Variants in ADGRL2 observed in about 807,000 individuals in gnomAD.
The protein encoded by ADGRL2 is adhesion G protein-coupled receptor L2.
ADGRL2 carries 44 observed loss-of-function variants against 157.4 expected under a neutral mutation model. That is an observed-to-expected ratio of 0.28 (90% CI 0.22 to 0.36). The LOEUF (loss-of-function observed/expected upper bound fraction) is 0.36, where lower values mean the gene tolerates loss of function less well. ADGRL2 is among the 10% of genes least tolerant of loss of function. The pLI is 1.00. For synonymous variants in ADGRL2, 585 were observed against 624.7 expected, an observed-to-expected ratio of 0.94 and a Z score of 0.95; for missense variants, 1,510 against 1,768.9, an observed-to-expected ratio of 0.85 and a Z score of 2.63.
intron 1 of ADGRL2, among the ~76,000 whole-genome samples, chr1:81,350,935 C>T (rs562151467): frequency 1.8e-4 from 27 of 152,156 alleles, no homozygotes; most frequent in African/African-American, 6.3e-4. Context: ...TCTAAATAGG[C>T]AGTGCTCATA....
rs78352225 is a variant in ADGRL2 at position 81,494,827 on chromosome 1, A to T, written c.-248+49738A>T. 1.5e-4 allele frequency among the ~76,000 whole-genome samples: 23 copies of T among 152,274 alleles called. No homozygotes were observed. In the East Asian group the frequency reaches 3.5e-3, roughly 23 times the overall value. ...TCTGTGCTAAAGGCCATTAATAAAG[A>T]AGTATTCAGAGCTGACACATCCCAA... On this transcript the variant is annotated intron_variant, in intron 2 of 24. Transcript: ENST00000370721.
At chr1:81,747,192 TATGC>T (rs1315810809) in intron 1 of ADGRL2, among the ~76,000 whole-genome samples, 5 of 144,348 alleles carry the variant, frequency 3.5e-5, no homozygotes, top group African/African-American at 7.6e-5. Flanking sequence ...TGTATGTGTG[TATGC>T]ATGTATATAT....
At chr1:81,411,946 G>A (rs917836549) in intron 1 of ADGRL2, among the ~76,000 whole-genome samples, 2 of 151,382 alleles carry the variant, frequency 1.3e-5, no homozygotes, top group African/African-American at 4.9e-5. Context: ...AATGTAGTAA[G>A]TCTCAGATTC....
intron 2 of ADGRL2, among the ~76,000 whole-genome samples, chr1:81,532,504 C>G (rs970731035): frequency 6.6e-6 from 1 of 150,988 alleles, no homozygotes. Flanking sequence ...GCAGAGATTA[C>G]TGTTTCACCA....
chr1:81,598,584 T>C (rs1222419950), intron 3 of ADGRL2, among the ~76,000 whole-genome samples: 1 of 152,174 alleles, frequency 6.6e-6, no homozygotes, highest in Non-Finnish European at 1.5e-5. Context: ...TTTGGTGGTA[T>C]TTTGCTAAGG....
chr1:81,316,247 G>A (rs1351972435), intron 1 of ADGRL2, among the ~76,000 whole-genome samples: 1 of 152,116 alleles, frequency 6.6e-6, no homozygotes, highest in Admixed American at 6.6e-5. Flanking sequence ...AGGTTAAATG[G>A]TTTAAGCAGA....
At chr1:81,399,524 C>A (rs1182595410) in intron 1 of ADGRL2, among the ~76,000 whole-genome samples, 1 of 151,944 alleles carries the variant, frequency 6.6e-6, no homozygotes, top group Non-Finnish European at 1.5e-5. Context: ...AATGACCCAT[C>A]TTCAAGTTCA....
chr1:81,917,251 G>C (rs2094877802), intron 3 of ADGRL2, among the ~76,000 whole-genome samples: 1 of 152,016 alleles, frequency 6.6e-6, no homozygotes, highest in African/African-American at 2.4e-5. Flanking sequence ...AGCAGCAACA[G>C]CAACAACAAA....
chr1:81,519,527 C>T (rs1375932297), intron 2 of ADGRL2, among the ~76,000 whole-genome samples: 1 of 152,008 alleles, frequency 6.6e-6, no homozygotes, highest in Non-Finnish European at 1.5e-5. Context: ...AAAGAAGCAA[C>T]AAATAATCTA....
intron 1 of ADGRL2, among the ~76,000 whole-genome samples, chr1:81,400,872 T>C (rs2076740983): frequency 6.6e-6 from 1 of 152,116 alleles, no homozygotes; most frequent in Non-Finnish European, 1.5e-5. Context: ...GTGTGATGTC[T>C]TAGCTCAGCC....
intron 1 of ADGRL2, among the ~76,000 whole-genome samples, chr1:81,723,345 A>G (rs898644080): frequency 6.6e-6 from 1 of 152,204 alleles, no homozygotes. Context: ...GTGGTTTGCC[A>G]TTAGGGTACT....
chr1:81,316,261 T>C (rs1328765521), intron 1 of ADGRL2, among the ~76,000 whole-genome samples: 1 of 152,202 alleles, frequency 6.6e-6, no homozygotes, highest in African/African-American at 2.4e-5. Context: ...AAGCAGATTA[T>C]AATTAGTTAA....
chr1:81,463,261 T>C (rs1202499005), intron 2 of ADGRL2, among the ~76,000 whole-genome samples: 1 of 152,052 alleles, frequency 6.6e-6, no homozygotes, highest in Non-Finnish European at 1.5e-5. Flanking sequence ...CTTCCTCCTT[T>C]GCTAGATGCA....
At chr1:81,875,715 T>C (rs1244896095) in intron 2 of ADGRL2, among the ~76,000 whole-genome samples, 2 of 152,158 alleles carry the variant, frequency 1.3e-5, no homozygotes, top group African/African-American at 4.8e-5. Context: ...GTCTGTCCTT[T>C]TGTTATTGTT....
intron 3 of ADGRL2, among the ~76,000 whole-genome samples, chr1:81,688,055 T>A (rs1412057647): frequency 2.0e-5 from 3 of 152,126 alleles, no homozygotes; most frequent in Non-Finnish European, 2.9e-5. Flanking sequence ...ATCTGATAGG[T>A]TTTCCTTTAT....
intron 2 of ADGRL2, among the ~76,000 whole-genome samples, chr1:81,533,189 G>A (rs2079647808): frequency 6.6e-6 from 1 of 152,014 alleles, no homozygotes; most frequent in South Asian, 2.1e-4. Context: ...GACCAGCCTG[G>A]CCAATATGGT....
chr1:81,766,397 A>T lies in ADGRL2; in HGVS notation c.-101+4545A>T, dbSNP rs574610953. Among the ~76,000 whole-genome samples, 218 of 152,320 alleles carry T rather than the reference A, an allele frequency of 1.4e-3. 6 individuals carry two copies. The South Asian group carries it at 0.041, about 29-fold the overall frequency. ...TGCCATTTTATATCTTCAAATATAC[A>T]AATCAAAATATTTTAAAAGTAAATA... On this transcript the variant is annotated intron_variant, in intron 2 of 20. Transcript: ENST00000359929.
intron 2 of ADGRL2, among the ~76,000 whole-genome samples, chr1:81,765,094 T>C (rs2086067547): frequency 6.6e-6 from 1 of 152,032 alleles, no homozygotes; most frequent in South Asian, 2.1e-4. Flanking sequence ...ATTTTTTCAC[T>C]TTACTCTGAA....
At chr1:81,902,489 TG>T (rs1323638168) in intron 2 of ADGRL2, among the ~76,000 whole-genome samples, 4 of 152,030 alleles carry the variant, frequency 2.6e-5, no homozygotes, top group Non-Finnish European at 5.9e-5. Flanking sequence ...TCCCATCTAC[TG>T]GGGAGGCTGA....
Sources: allele counts gnomAD v4.1 joint callset (sites outside exome capture counted in the v4.1 genomes callset), GRCh38; gene constraint gnomAD v4.1.1; transcripts MANE v1.5; gene names NCBI Gene and HGNC (gene_info 2026-07-23, HGNC 2026-07-21).